Variants in SAMSN1 observed in about 807,000 individuals in gnomAD.
The protein encoded by SAMSN1 is SAM domain, SH3 domain and nuclear localization signals 1, also known as SAM domain-containing protein SAMSN-1.
In SAMSN1, 31 loss-of-function variants were observed where a neutral mutation model predicts 42.0. The ratio of observed to expected loss-of-function variants is 0.74; its 90% CI spans 0.55 to 1.00. SAMSN1 has a LOEUF of 1.00. SAMSN1 is among the 50% of genes least tolerant of loss of function. The probability of loss-of-function intolerance (pLI) is 0.00; values close to 1 mark genes in which losing one functional copy is unlikely to be tolerated. For synonymous variants in SAMSN1, 178 were observed against 151.9 expected (o/e 1.17, Z -1.26); for missense variants, 464 against 439.4 (o/e 1.06, Z -0.50).
At chr21:14,632,814 G>A (rs1011795051) in intron 2 of SAMSN1, among the ~76,000 whole-genome samples, 1 of 152,122 alleles carries the variant, frequency 6.6e-6, no homozygotes, top group African/African-American at 2.4e-5. Context: ...GTGATTGTTG[G>A]CAGCATTCAA....
rs565820656 is a variant in SAMSN1, at chr21:14,514,089, G to A, written c.280-1516C>T. On this transcript the variant is annotated intron_variant, in intron 3 of 7. Transcript: ENST00000400566. ...CTGAAAAAATAGGGGTATTGTTTGA[G>A]CCCATTCTAGTGGAATGTAGGGTTC... 7.2e-5 allele frequency among the ~76,000 whole-genome samples: 11 copies of A among 152,230 alleles called. No individual in the cohort carries two copies. The East Asian group carries it at 1.4e-3, about 19-fold the overall frequency.
At chr21:14,601,546 CTT>C (rs1568826666) in intron 6 of SAMSN1, among the ~76,000 whole-genome samples, 1 of 152,162 alleles carries the variant, frequency 6.6e-6, no homozygotes. Flanking sequence ...TATATCCTCT[CTT>C]GTTACAGGGT....
rs1983283952 is a variant in SAMSN1 at position 14,629,875 on chromosome 21, A to T, written c.156+13127T>A. ...TAAAAGATTCCTCCTTTGCAAAAAGATTCCCTTCCAGATGTCTTAAAACAG... is the reference window on the plus strand; with the variant it reads ...TAAAAGATTCCTCCTTTGCAAAAAGTTTCCCTTCCAGATGTCTTAAAACAG... On this transcript the variant is annotated intron_variant, in intron 2 of 15. Transcript: ENST00000647101. 2.0e-5 allele frequency among the ~76,000 whole-genome samples: 3 copies of T among 152,174 alleles called. No homozygotes were observed. In the South Asian group the frequency reaches 6.2e-4, roughly 31 times the overall value.
At chr21:14,599,375 C>T (rs982381493) in intron 6 of SAMSN1, among the ~76,000 whole-genome samples, 4 of 152,182 alleles carry the variant, frequency 2.6e-5, no homozygotes, top group African/African-American at 9.6e-5. Flanking sequence ...TTCATCCTGC[C>T]ACCCTGTGAA....
chr21:14,499,748 A>G (rs1987066029), intron 6 of SAMSN1, among the ~76,000 whole-genome samples: 2 of 152,152 alleles, frequency 1.3e-5, no homozygotes, highest in African/African-American at 4.8e-5. Flanking sequence ...GAGGTGCACC[A>G]AGAGTAATAT....
intron 1 of SAMSN1, among the ~76,000 whole-genome samples, chr21:14,523,674 G>A (rs1307325241): frequency 6.6e-6 from 1 of 152,100 alleles, no homozygotes; most frequent in East Asian, 1.9e-4. Context: ...CCATGCCCAA[G>A]GCAATTTTGT....
chr21:14,537,979 C>G (rs749772383), intron 1 of SAMSN1, among the ~76,000 whole-genome samples: 8 of 152,140 alleles, frequency 5.3e-5, no homozygotes, highest in Non-Finnish European at 1.2e-4. Flanking sequence ...TACATTTTAA[C>G]ATGTTCTAGA....
At chr21:14,655,140 A>G (rs1057180772) in intron 1 of SAMSN1, among the ~76,000 whole-genome samples, 1 of 151,930 alleles carries the variant, frequency 6.6e-6, no homozygotes, top group Non-Finnish European at 1.5e-5. Context: ...TTAAATAGGA[A>G]CAAAGAACAA....
At chr21:14,577,265 T>G (rs1981521441) in intron 2 of SAMSN1, among the ~76,000 whole-genome samples, 1 of 52,924 alleles carries the variant, frequency 1.9e-5, no homozygotes, top group Non-Finnish European at 3.5e-5. Flanking sequence ...TATATATATA[T>G]ATATATATAT....
chr21:14,634,491 C>G (rs998774660), intron 2 of SAMSN1, among the ~76,000 whole-genome samples: 2 of 152,010 alleles, frequency 1.3e-5, no homozygotes, highest in Admixed American at 6.6e-5. Flanking sequence ...ACAGCCCCAT[C>G]AAAAAGTAGG....
At chr21:14,591,855 G>A (rs1041839397) in intron 7 of SAMSN1, 2 of 152,060 alleles carry the variant, frequency 1.3e-5, no homozygotes, top group African/African-American at 4.8e-5. Context: ...TTCTGGTTTT[G>A]GAATAACATG....
At chr21:14,572,301 T>A (rs2123221459) in intron 2 of SAMSN1, among the ~76,000 whole-genome samples, 1 of 152,302 alleles carries the variant, frequency 6.6e-6, no homozygotes, top group African/African-American at 2.4e-5. Flanking sequence ...CTTTGTGTTT[T>A]CCATTTGGTA....
At chr21:14,638,120 T>C (rs1445267258) in intron 2 of SAMSN1, among the ~76,000 whole-genome samples, 1 of 152,178 alleles carries the variant, frequency 6.6e-6, no homozygotes, top group East Asian at 1.9e-4. Flanking sequence ...CCGCAAAGCT[T>C]GGATAGCAGA....
rs553660938 is a variant in SAMSN1 at position 14,658,358 on chromosome 21, A to G, written c.24+390T>C. On this transcript the variant is annotated intron_variant, in intron 1 of 15. Transcript: ENST00000647101. Reference sequence around the variant, plus strand: ...GAAAGGAATTCATTACTCAAGGAACAAAGAAGAAATTTTGATTCCTGGGAT... The same window carrying G: ...GAAAGGAATTCATTACTCAAGGAACGAAGAAGAAATTTTGATTCCTGGGAT... Among the ~76,000 whole-genome samples, 3 of 152,018 alleles carry G rather than the reference A, an allele frequency of 2.0e-5. No individual in the cohort carries two copies. In the South Asian group the frequency reaches 6.2e-4, roughly 31 times the overall value.
At position 14,526,641 on chromosome 21, in the gene SAMSN1, G is replaced by A. The variant is rs59963209; in HGVS notation, c.58-5420C>T. ...AAGGAAACTGTTGAAACCAGAACTT[G>A]CAAAAAATTTCTTTTTAAAAAATTC... On this transcript the variant is annotated intron_variant, in intron 1 of 7. Coordinates refer to ENST00000400566, the MANE Select transcript of SAMSN1 (RefSeq NM_022136.5). Among the ~76,000 whole-genome samples, 16 of 152,152 alleles carry A rather than the reference G, an allele frequency of 1.1e-4. No homozygotes were observed. In the East Asian group the frequency reaches 1.2e-3, roughly 11 times the overall value.
intron 1 of SAMSN1, among the ~76,000 whole-genome samples, chr21:14,524,872 A>C (rs1978738261): frequency 6.6e-6 from 1 of 152,194 alleles, no homozygotes; most frequent in Admixed American, 6.5e-5. Flanking sequence ...ATTGAAATAC[A>C]TCTAATGTCA....
intron 7 of SAMSN1, among the ~76,000 whole-genome samples, chr21:14,493,685 A>G (rs896336897): frequency 3.3e-5 from 5 of 152,136 alleles, no homozygotes; most frequent in Admixed American, 1.3e-4. Flanking sequence ...AATTCAGATA[A>G]TAAATAGAAA....
At chr21:14,617,566 T>C (rs774914748) in intron 2 of SAMSN1, among the ~76,000 whole-genome samples, 1 of 152,158 alleles carries the variant, frequency 6.6e-6, no homozygotes, top group South Asian at 2.1e-4. Flanking sequence ...GGACCAAATA[T>C]GTCTCAATAG....
chr21:14,636,268 G>T (rs1366961824), intron 2 of SAMSN1, among the ~76,000 whole-genome samples: 1 of 152,080 alleles, frequency 6.6e-6, no homozygotes, highest in Admixed American at 6.6e-5. Context: ...ATAAGGTTGG[G>T]TTATTTTTCC....
Sources: allele counts gnomAD v4.1 joint callset (sites outside exome capture counted in the v4.1 genomes callset), GRCh38; gene constraint gnomAD v4.1.1; transcripts MANE v1.5; gene names NCBI Gene and HGNC (gene_info 2026-07-23, HGNC 2026-07-21).